The following DAB1 variants were observed in gnomAD, a reference collection of about 807,000 sequenced individuals.
The protein encoded by DAB1 is DAB adaptor protein 1.
A neutral mutation model predicts 64.6 loss-of-function variants in DAB1; 15 were observed. The ratio of observed to expected loss-of-function variants is 0.23; its 90% CI spans 0.16 to 0.36. DAB1 has a LOEUF of 0.36. Among genes scored for constraint, DAB1 ranks in the 10% least tolerant of loss-of-function variants. The pLI is 1.00. For missense variants in DAB1, 596 were observed against 706.7 expected (o/e 0.84, Z 1.78); for synonymous variants, 235 against 251.9 (o/e 0.93, Z 0.64).
At position 57,577,484 on chromosome 1, in the gene DAB1, T is replaced by C. The variant is rs534503534; in HGVS notation, n.625+72108A>G. On this transcript the variant is annotated intron_variant and non_coding_transcript_variant, in intron 7 of 20. Coordinates refer to the DAB1 transcript ENST00000485760. ...CCTTTTAATAATACCCAACCTTTAA[T>C]TGATTACCGAACACTAAAAATTCAT... Among the ~76,000 whole-genome samples, 8 of 152,260 alleles carry C rather than the reference T, an allele frequency of 5.3e-5. 1 individual carries two copies. The South Asian group carries it at 8.3e-4, about 16-fold the overall frequency.
intron 7 of DAB1, among the ~76,000 whole-genome samples, chr1:57,540,084 T>C (rs929352614): frequency 2.2e-4 from 33 of 152,200 alleles, no homozygotes; most frequent in African/African-American, 7.2e-4. Flanking sequence ...ATATCTACTA[T>C]GGGCCAAGCT....
At chr1:58,224,503 T>C (rs193189676) in intron 4 of DAB1, among the ~76,000 whole-genome samples, 70 of 152,190 alleles carry the variant, frequency 4.6e-4, no homozygotes, top group Non-Finnish European at 7.9e-4. Context: ...GATAGTAATA[T>C]TGTAAGCATT....
intron 3 of DAB1, among the ~76,000 whole-genome samples, chr1:58,477,986 T>C (rs1412263522): frequency 6.6e-6 from 1 of 152,124 alleles, no homozygotes; most frequent in East Asian, 1.9e-4. Context: ...ATAAATAGGG[T>C]CACTGTGGGG....
At chr1:57,829,344 C>T (rs1045766798) in intron 1 of DAB1, among the ~76,000 whole-genome samples, 16 of 152,156 alleles carry the variant, frequency 1.1e-4, no homozygotes, top group South Asian at 4.1e-4. Context: ...GGTTTTGGAG[C>T]CTCAGAGAAC....
At chr1:57,287,301 A>G (rs1268219253) in intron 2 of DAB1, among the ~76,000 whole-genome samples, 1 of 152,124 alleles carries the variant, frequency 6.6e-6, no homozygotes, top group Non-Finnish European at 1.5e-5. Context: ...TCTCAAACTC[A>G]TAAGTTCAAG....
chr1:57,879,130 A>G (rs56231115), intron 1 of DAB1, among the ~76,000 whole-genome samples: 6,206 of 152,274 alleles, frequency 0.041, 171 homozygotes, highest in Non-Finnish European at 0.061. Context: ...TACAATAAAC[A>G]TGGGAGTGCA....
At chr1:57,626,185 A>G (rs1645920835) in intron 7 of DAB1, among the ~76,000 whole-genome samples, 1 of 151,970 alleles carries the variant, frequency 6.6e-6, no homozygotes, top group Non-Finnish European at 1.5e-5. Context: ...GCACTTCTGT[A>G]TGCAGTGTCA....
intron 2 of DAB1, among the ~76,000 whole-genome samples, chr1:57,286,779 A>G (rs1672350616): frequency 6.6e-6 from 1 of 152,196 alleles, no homozygotes; most frequent in South Asian, 2.1e-4. Context: ...AAAAGAAGTT[A>G]TACACCAATC....
At chr1:58,258,991 A>T (rs1231517612) in intron 4 of DAB1, among the ~76,000 whole-genome samples, 1 of 152,210 alleles carries the variant, frequency 6.6e-6, no homozygotes, top group East Asian at 1.9e-4. Context: ...AAATTGCTTA[A>T]CTTTCCTGAG....
intron 5 of DAB1, among the ~76,000 whole-genome samples, chr1:58,028,775 A>T (rs1379725741): frequency 6.6e-6 from 1 of 152,236 alleles, no homozygotes; most frequent in Non-Finnish European, 1.5e-5. Flanking sequence ...GGAATCTGCA[A>T]ATAATAAGAA....
intron 6 of DAB1, among the ~76,000 whole-genome samples, chr1:57,706,964 T>C (rs1283197646): frequency 1.3e-5 from 2 of 151,828 alleles, no homozygotes; most frequent in African/African-American, 4.8e-5. Context: ...ATTGCAGCTA[T>C]TCAGGAGGCT....
chr1:58,113,978 G>C (rs1652153800), intron 5 of DAB1, among the ~76,000 whole-genome samples: 1 of 151,978 alleles, frequency 6.6e-6, no homozygotes, highest in African/African-American at 2.4e-5. Flanking sequence ...CAGGTACAAT[G>C]GCTCACACCT....
At chr1:58,164,882 A>G (rs1655741005) in intron 4 of DAB1, among the ~76,000 whole-genome samples, 1 of 152,206 alleles carries the variant, frequency 6.6e-6, no homozygotes, top group Non-Finnish European at 1.5e-5. Flanking sequence ...TTACTTTAGA[A>G]TAGGGGTTAG....
intron 5 of DAB1, among the ~76,000 whole-genome samples, chr1:57,968,337 G>T (rs1645718499): frequency 6.6e-6 from 1 of 152,106 alleles, no homozygotes; most frequent in Admixed American, 6.6e-5. Context: ...GAACCGCAGG[G>T]CTAAGTGGCA....
At chr1:57,258,885 C>T (rs1407704873) in intron 2 of DAB1, among the ~76,000 whole-genome samples, 5 of 151,984 alleles carry the variant, frequency 3.3e-5, no homozygotes, top group Admixed American at 3.3e-4. Context: ...GTTCTGCACC[C>T]ACCTCCCCAA....
chr1:58,418,658 G>T (rs769101430), intron 3 of DAB1, among the ~76,000 whole-genome samples: 1 of 152,110 alleles, frequency 6.6e-6, no homozygotes, highest in African/African-American at 2.4e-5. Flanking sequence ...ATTGTTATGG[G>T]GGTTGGAGGA....
intron 14 of DAB1, among the ~76,000 whole-genome samples, chr1:57,009,269 C>T (rs1646190920): frequency 6.6e-6 from 1 of 152,250 alleles, no homozygotes; most frequent in Non-Finnish European, 1.5e-5. Context: ...CCTATAGTCC[C>T]CAACTTTTCT....
At chr1:57,214,928 A>G (rs1350482065) in intron 2 of DAB1, among the ~76,000 whole-genome samples, 3 of 151,002 alleles carry the variant, frequency 2.0e-5, no homozygotes, top group Non-Finnish European at 4.4e-5. Flanking sequence ...AAAAAAAAAA[A>G]AAGAAAGAAA....
chr1:57,530,780 T>C (rs1644653604), intron 7 of DAB1, among the ~76,000 whole-genome samples: 1 of 152,178 alleles, frequency 6.6e-6, no homozygotes, highest in South Asian at 2.1e-4. Flanking sequence ...TTGAATTCTT[T>C]TCAAATGTTT....
Sources: allele counts gnomAD v4.1 joint callset (sites outside exome capture counted in the v4.1 genomes callset), GRCh38; gene constraint gnomAD v4.1.1; transcripts MANE v1.5; gene names NCBI Gene and HGNC (gene_info 2026-07-23, HGNC 2026-07-21).